ASTN1: variants seen among roughly 807,000 people sequenced by gnomAD.
The protein encoded by ASTN1 is astrotactin-1.
A neutral mutation model predicts 140.7 loss-of-function variants in ASTN1; 41 were observed. That is an observed-to-expected ratio of 0.29 (90% CI 0.23 to 0.38). The LOEUF (loss-of-function observed/expected upper bound fraction) is 0.38, where lower values mean the gene tolerates loss of function less well. Among genes scored for constraint, ASTN1 ranks in the 10% least tolerant of loss-of-function variants. ASTN1 has a pLI of 1.00. For missense variants in ASTN1, 1,479 were observed against 1,678.8 expected, an observed-to-expected ratio of 0.88 and a Z score of 2.08; for synonymous variants, 640 against 652.2, an observed-to-expected ratio of 0.98 and a Z score of 0.29.
chr1:176,869,252 G>C (rs1668246200), intron 21 of ASTN1, among the ~76,000 whole-genome samples: 1 of 151,944 alleles, frequency 6.6e-6, no homozygotes, highest in Non-Finnish European at 1.5e-5. Flanking sequence ...GTTTACTTAT[G>C]TGTGTGTGAG....
At chr1:176,899,042 C>G (rs1390506532) in intron 16 of ASTN1, among the ~76,000 whole-genome samples, 1 of 152,152 alleles carries the variant, frequency 6.6e-6, no homozygotes, top group East Asian at 1.9e-4. Context: ...AGGGAAGGTC[C>G]GGAGTCCAGT....
intron 7 of ASTN1, 148 bp downstream of exon 7, chr1:177,023,256 G>T: frequency 9.8e-7 from 1 of 1,016,010 alleles, no homozygotes; most frequent in Non-Finnish European, 1.4e-6. Context: ...AAGCTCTGCG[G>T]CCCAACCACA....
Position 177,014,852 on chromosome 1 carries a change from A to G in ASTN1, c.1462T>C (p.Tyr488His), listed in dbSNP as rs140318922. ...TGCTTATGTACTGGATCCTTCATGT[A>G]GCCTTCATAGCAGAGGCATTCCCCT... ...ETGECLCYEG[Y>H]MKDPVHKHLC... The change falls in exon 8 of 23, where the codon TAC becomes CAC. Residue 488 changes from tyrosine to histidine, a missense_variant. Physicochemically the swap from Tyr to His is moderately conservative, Grantham distance 83. This residue lies in a region of ASTN1 where 729 missense variants were observed against 860.4 expected (regional missense o/e 0.85). Transcript: ENST00000361833. 16 of 1,613,640 alleles carry G rather than the reference A, an allele frequency of 9.9e-6. No individual in the cohort carries two copies. Among genetic ancestry groups the G allele is most frequent in the Non-Finnish European group, 1.4e-5 (16 of 1,179,726 alleles).
rs576064395 is a variant in ASTN1 at position 177,143,648 on chromosome 1, T to C, written c.283+20746A>G. ...ATATGCCACTTGAAATGAAAGTCAC[T>C]TTTATGTTTTTTAAATAAAATTTAC... On this transcript the variant is annotated intron_variant, in intron 1 of 22. Transcript: ENST00000361833. Among the ~76,000 whole-genome samples the C allele has an allele frequency of 1.8e-4, 27 of 152,354 alleles. No homozygotes were observed. In the South Asian group the frequency reaches 5.2e-3, roughly 29 times the overall value.
rs56268752 is a variant in ASTN1, at chr1:177,134,756, A to C, written c.283+29638T>G. On this transcript the variant is annotated intron_variant, in intron 1 of 22. Transcript: ENST00000361833. ...AGAATGCAAAGAGGAAGTGGTAAAA[A>C]TGTATACAGGAGGGAGAGGAAACTT... Among the ~76,000 whole-genome samples, 311 of 152,282 alleles carry C rather than the reference A, an allele frequency of 2.0e-3. 3 individuals are homozygous for C. Among genetic ancestry groups the C allele is most frequent in the African/African-American group, 7.3e-3 (304 of 41,556 alleles).
chr1:176,942,931 A>G (rs1484590952), intron 14 of ASTN1, among the ~76,000 whole-genome samples: 4 of 144,464 alleles, frequency 2.8e-5, no homozygotes, highest in Non-Finnish European at 4.5e-5. Context: ...CCTTGGGCAC[A>G]TTGTTGTCAG....
intron 16 of ASTN1, among the ~76,000 whole-genome samples, chr1:176,922,068 C>A (rs747841366): frequency 1.3e-5 from 2 of 152,102 alleles, no homozygotes; most frequent in Admixed American, 6.5e-5. Context: ...ATGGCCCCGA[C>A]CTTTCAACAA....
At chr1:177,149,294 T>TAA (rs1491220983) in intron 1 of ASTN1, among the ~76,000 whole-genome samples, 1 of 83,828 alleles carries the variant, frequency 1.2e-5, no homozygotes, top group African/African-American at 5.8e-5. Context: ...ATATATATAG[T>TAA]ATATATATAG....
rs1040581728 is a variant in ASTN1 at position 177,021,342 on chromosome 1, G to A, written c.1438+2062C>T. Among the ~76,000 whole-genome samples the A allele has an allele frequency of 5.9e-5, 9 of 152,316 alleles. No individual in the cohort carries two copies. In the East Asian group the frequency reaches 1.5e-3, roughly 26 times the overall value. On this transcript the variant is annotated intron_variant, in intron 7 of 22. Transcript: ENST00000361833. The stretch of plus-strand genomic sequence containing the variant: ...GCTTCCCAAAGTCATTTTCAGCAGG[G>A]ATTAGAAATGAGACATCTGGAAGGG...
chr1:176,987,280 G>A (rs1673949996), intron 8 of ASTN1, among the ~76,000 whole-genome samples: 1 of 152,176 alleles, frequency 6.6e-6, no homozygotes, highest in South Asian at 2.1e-4. Context: ...TAACTCTGCT[G>A]CTGTAGCACA....
In ASTN1 at chr1:176,894,572, T is replaced by A; in HGVS notation, c.2930A>T (p.Gln977Leu). 6.2e-7 allele frequency: 1 copy of A among 1,613,992 alleles called. No homozygotes were observed. Among genetic ancestry groups the A allele is most frequent in the South Asian group, 1.1e-5 (1 of 91,068 alleles). ...TCCCAGGCCTCTTACCCTCTGGGTC[T>A]GGTTGTTGGTCACTAGTTCATAGAT... Reference protein sequence around the residue: ...APIYELVTNNQTQRLLQEATM... With the variant: ...APIYELVTNNLTQRLLQEATM... The change falls in exon 17 of 23, where the codon CAG becomes CTG. Residue 977 changes from glutamine (Q) to leucine (L), a missense_variant. By Grantham distance (113) the Gln-to-Leu change is moderately radical (BLOSUM62 -2). This residue lies in a region of ASTN1 where 746 missense variants were observed against 800.9 expected (regional missense o/e 0.93). Transcript: ENST00000361833.
intron 16 of ASTN1, among the ~76,000 whole-genome samples, chr1:176,919,188 G>T (rs962845192): frequency 1.8e-4 from 27 of 152,174 alleles, no homozygotes; most frequent in African/African-American, 6.5e-4. Context: ...CTCTCATGCG[G>T]TGTTGTTTGC....
At chr1:177,023,343 G>T (rs963999327) in intron 7 of ASTN1, 61 bp downstream of exon 7, 2 of 1,514,460 alleles carry the variant, frequency 1.3e-6, no homozygotes, top group Non-Finnish European at 1.8e-6. Flanking sequence ...AATTTCAAGG[G>T]AGTGATTGCA....
At chr1:177,159,483 T>A (rs1192613346) in intron 1 of ASTN1, among the ~76,000 whole-genome samples, 1 of 152,216 alleles carries the variant, frequency 6.6e-6, no homozygotes, top group African/African-American at 2.4e-5. Flanking sequence ...GTGAAAAGAA[T>A]TGGGGATACC....
At chr1:176,889,409 A>C (rs1180761237) in intron 17 of ASTN1, among the ~76,000 whole-genome samples, 2 of 152,216 alleles carry the variant, frequency 1.3e-5, no homozygotes, top group Non-Finnish European at 2.9e-5. Flanking sequence ...TTCACACCTA[A>C]TCAGTAAATT....
At chr1:177,085,440 T>C (rs1679416931) in intron 1 of ASTN1, among the ~76,000 whole-genome samples, 1 of 152,198 alleles carries the variant, frequency 6.6e-6, no homozygotes, top group South Asian at 2.1e-4. Context: ...GTTTATTGGG[T>C]AAGGATTCAT....
At chr1:177,015,895 A>G (rs1269821330) in intron 7 of ASTN1, among the ~76,000 whole-genome samples, 3 of 152,218 alleles carry the variant, frequency 2.0e-5, no homozygotes, top group Non-Finnish European at 4.4e-5. Flanking sequence ...ACTAGTTCCT[A>G]CTATTTAAAT....
At chr1:176,890,836 G>A (rs1414502784) in intron 17 of ASTN1, among the ~76,000 whole-genome samples, 2 of 152,002 alleles carry the variant, frequency 1.3e-5, no homozygotes, top group East Asian at 3.9e-4. Flanking sequence ...GACCAGCCTG[G>A]CCAATGTGGC....
At position 176,903,891 on chromosome 1, in the gene ASTN1, C is replaced by G. The variant is rs1371091402; in HGVS notation, c.2672-9061G>C. On this transcript the variant is annotated intron_variant, in intron 16 of 22. Coordinates refer to ENST00000361833, the MANE Select transcript of ASTN1 (RefSeq NM_004319.3). ...ATCCTTCTTTGTGTCTTCCCAGCTT[C>G]TGGTGGCTCCCAGCTGTCCTTGGCA... Among the ~76,000 whole-genome samples the G allele has an allele frequency of 2.0e-5, 3 of 152,306 alleles. No homozygotes were observed. In the East Asian group the frequency reaches 5.8e-4, roughly 29 times the overall value.
Sources: allele counts gnomAD v4.1 joint callset (sites outside exome capture counted in the v4.1 genomes callset), GRCh38; gene constraint gnomAD v4.1.1; regional missense constraint gnomAD v4.1.1; transcripts MANE v1.5; gene names NCBI Gene and HGNC (gene_info 2026-07-23, HGNC 2026-07-21).